The following SLC10A7 variants were observed in gnomAD, a reference collection of about 807,000 sequenced individuals.
SLC10A7 encodes the protein sodium/bile acid cotransporter 7.
Under a neutral mutation model 43.2 loss-of-function variants are expected in SLC10A7, and 29 were observed. That is an observed-to-expected ratio of 0.67 (90% CI 0.50 to 0.92). The LOEUF is 0.92. SLC10A7 is among the 40% of genes least tolerant of loss of function. The pLI, the probability that SLC10A7 is intolerant of heterozygous loss-of-function variation, is 0.00. For missense variants in SLC10A7, 295 were observed against 403.2 expected (o/e 0.73, Z 2.30); for synonymous variants, 152 against 144.8 (o/e 1.05, Z -0.35).
At chr4:146,498,907 T>C (rs1336344131) in intron 4 of SLC10A7, among the ~76,000 whole-genome samples, 1 of 152,224 alleles carries the variant, frequency 6.6e-6, no homozygotes, top group Non-Finnish European at 1.5e-5. Context: ...CCAACAATTT[T>C]ACTGAAAATC....
chr4:146,459,571 G>A (rs1334928298), intron 4 of SLC10A7, among the ~76,000 whole-genome samples: 1 of 150,476 alleles, frequency 6.6e-6, no homozygotes, highest in African/African-American at 2.4e-5. Context: ...ATTCAATGTG[G>A]AAAGAATAAT....
At chr4:146,443,672 T>C (rs1730789184) in intron 4 of SLC10A7, among the ~76,000 whole-genome samples, 1 of 152,192 alleles carries the variant, frequency 6.6e-6, no homozygotes, top group African/African-American at 2.4e-5. Flanking sequence ...TTGTGGACAT[T>C]AGCAGCCACA....
intron 5 of SLC10A7, among the ~76,000 whole-genome samples, chr4:146,350,325 G>T (rs1230344813): frequency 6.6e-6 from 1 of 151,484 alleles, no homozygotes; most frequent in Non-Finnish European, 1.5e-5. Flanking sequence ...TTTTCAGAAC[G>T]GCTTAAAAAA....
intron 5 of SLC10A7, among the ~76,000 whole-genome samples, chr4:146,408,118 C>T (rs777489807): frequency 2.1e-4 from 32 of 152,158 alleles, no homozygotes; most frequent in Non-Finnish European, 4.3e-4. Context: ...CTTGTTCTAA[C>T]ATATAAAAGG....
chr4:146,462,879 A>T (rs565931106), intron 4 of SLC10A7, among the ~76,000 whole-genome samples: 1 of 152,212 alleles, frequency 6.6e-6, no homozygotes, highest in Non-Finnish European at 1.5e-5. Context: ...ATCACCTGTG[A>T]AGATACTCTC....
At chr4:146,301,485 G>C (rs1731158119) in intron 7 of SLC10A7, among the ~76,000 whole-genome samples, 1 of 152,098 alleles carries the variant, frequency 6.6e-6, no homozygotes, top group African/African-American at 2.4e-5. Flanking sequence ...TTTAAGGAGA[G>C]GAATAATATG....
intron 4 of SLC10A7, among the ~76,000 whole-genome samples, chr4:146,495,535 T>A (rs1360128032): frequency 1.3e-5 from 2 of 152,200 alleles, no homozygotes; most frequent in Non-Finnish European, 2.9e-5. Flanking sequence ...ACTGTGATGA[T>A]CTTGATCTTT....
chr4:146,433,690 A>T (rs1459006838), intron 5 of SLC10A7, among the ~76,000 whole-genome samples: 1 of 152,072 alleles, frequency 6.6e-6, no homozygotes, highest in East Asian at 1.9e-4. Context: ...ACATAGCGAG[A>T]TCCCATCTCT....
At chr4:146,268,719 T>C (rs932251634) in intron 10 of SLC10A7, among the ~76,000 whole-genome samples, 6 of 152,042 alleles carry the variant, frequency 3.9e-5, no homozygotes, top group East Asian at 1.9e-4. Context: ...AGCAGGTAAA[T>C]AGAAATTTGC....
Position 146,521,854 on chromosome 4 carries a change from T to G in SLC10A7, c.-137A>C. The G allele has an allele frequency of 2.9e-6, 2 of 700,004 alleles. No individual in the cohort carries two copies. The highest frequency in any genetic ancestry group is 2.7e-5 in the East Asian group (1 of 36,634). 43.4% of individuals were successfully genotyped at this position (700,004 alleles called of 1,614,324 possible). ...CAGCAGAGCAAGTCAAATTGCCGATTGTAAAGTAAAGACCTGGGGGTTGCT... is the reference window on the plus strand; with the variant it reads ...CAGCAGAGCAAGTCAAATTGCCGATGGTAAAGTAAAGACCTGGGGGTTGCT... On this transcript the variant is annotated 5_prime_UTR_variant, in exon 1 of 12. Coordinates refer to ENST00000335472, the MANE Select transcript of SLC10A7 (RefSeq NM_001029998.6).
At position 146,454,218 on chromosome 4, in the gene SLC10A7, T is replaced by C. The variant is rs554827263; in HGVS notation, c.397-11397A>G. On this transcript the variant is annotated intron_variant, in intron 4 of 11. Coordinates refer to ENST00000335472, the MANE Select transcript of SLC10A7 (RefSeq NM_001029998.6). The stretch of plus-strand genomic sequence containing the variant: ...CTAATATTAGCAAGAAATATTTAAT[T>C]CAAGATTTTAAAATCTGCCTTATAA... Among the ~76,000 whole-genome samples the C allele has an allele frequency of 2.6e-5, 4 of 152,032 alleles. No homozygotes were observed. The East Asian group carries it at 7.7e-4, about 29-fold the overall frequency.
intron 10 of SLC10A7, among the ~76,000 whole-genome samples, chr4:146,278,256 T>G (rs570408747): frequency 2.6e-5 from 4 of 152,264 alleles, no homozygotes; most frequent in Non-Finnish European, 5.9e-5. Flanking sequence ...TTAGGTAACA[T>G]TATATTACAG....
intron 6 of SLC10A7, among the ~76,000 whole-genome samples, chr4:146,311,202 A>G (rs1560787093): frequency 6.6e-6 from 1 of 152,170 alleles, no homozygotes; most frequent in Non-Finnish European, 1.5e-5. Flanking sequence ...CATTCAATCT[A>G]GAAACTATTT....
At chr4:146,312,505 G>A (rs541006346) in intron 6 of SLC10A7, among the ~76,000 whole-genome samples, 25 of 152,148 alleles carry the variant, frequency 1.6e-4, no homozygotes, top group Admixed American at 7.9e-4. Flanking sequence ...CTATAGTAGC[G>A]ATGCTGTAAA....
intron 5 of SLC10A7, among the ~76,000 whole-genome samples, chr4:146,412,155 C>A (rs200899883): frequency 1.3e-5 from 2 of 150,878 alleles, no homozygotes; most frequent in South Asian, 2.1e-4. Flanking sequence ...TCCATCTAGC[C>A]AAAAAAAAAT....
intron 5 of SLC10A7, among the ~76,000 whole-genome samples, chr4:146,404,836 A>T (rs1739471801): frequency 1.3e-5 from 2 of 152,144 alleles, no homozygotes; most frequent in African/African-American, 4.8e-5. Context: ...TCACTGTAAA[A>T]ATAAACTAAA....
At chr4:146,382,227 C>G (rs1401985725) in intron 5 of SLC10A7, among the ~76,000 whole-genome samples, 1 of 152,138 alleles carries the variant, frequency 6.6e-6, no homozygotes, top group Non-Finnish European at 1.5e-5. Context: ...ATAAACATTT[C>G]TAGTTATGTT....
intron 2 of SLC10A7, among the ~76,000 whole-genome samples, chr4:146,511,054 T>A (rs758441529): frequency 6.6e-6 from 1 of 152,192 alleles, no homozygotes; most frequent in Non-Finnish European, 1.5e-5. Flanking sequence ...GTTTTACCGA[T>A]GAAGAAATTG....
At chr4:146,387,290 C>T (rs1332960241) in intron 5 of SLC10A7, among the ~76,000 whole-genome samples, 1 of 152,190 alleles carries the variant, frequency 6.6e-6, no homozygotes, top group Non-Finnish European at 1.5e-5. Context: ...GGGTCTTATT[C>T]TAGAGATACA....
Sources: gnomAD v4.1 joint callset for allele counts (sites outside exome capture counted in the v4.1 genomes callset) on GRCh38, gnomAD v4.1.1 for gene constraint, MANE v1.5 for transcripts, NCBI Gene and HGNC (gene_info 2026-07-23, HGNC 2026-07-21) for gene names.